Variants in CENPC observed in about 807,000 individuals in gnomAD.
CENPC encodes centromere protein C, also known as CENP-C 1.
Under a neutral mutation model 112.1 loss-of-function variants are expected in CENPC, and 63 were observed. The ratio of observed to expected loss-of-function variants is 0.56; its 90% CI spans 0.46 to 0.69. The LOEUF (loss-of-function observed/expected upper bound fraction) is 0.69, where lower values mean the gene tolerates loss of function less well. CENPC is among the 30% of genes least tolerant of loss of function. CENPC has a pLI of 0.00. For missense variants in CENPC, 1,000 were observed against 1,103.8 expected (o/e 0.91, Z 1.33); for synonymous variants, 333 against 367.6 (o/e 0.91, Z 1.08).
chr4:67,539,971 T>TTAC, intron 3 of CENPC, 37 bp from the exon 4 acceptor site: 1 of 1,095,540 alleles, frequency 9.1e-7, no homozygotes, highest in South Asian at 1.6e-5. Flanking sequence ...AAACAAGATA[T>TTAC]AGTGTAATAT....
chr4:67,484,829 C>T (rs1667112404), intron 17 of CENPC, among the ~76,000 whole-genome samples: 1 of 152,184 alleles, frequency 6.6e-6, no homozygotes. Flanking sequence ...CGCAGTGGCT[C>T]ACGCCTGTAA....
chr4:67,487,460 C>T (rs1725124477), intron 17 of CENPC, among the ~76,000 whole-genome samples: 1 of 151,732 alleles, frequency 6.6e-6, no homozygotes, highest in East Asian at 1.9e-4. Flanking sequence ...GAACCTGAAA[C>T]ATGACCCAAT....
At chr4:67,519,027 C>A (rs1008481329) in intron 6 of CENPC, among the ~76,000 whole-genome samples, 190 bp downstream of exon 6, 1 of 152,188 alleles carries the variant, frequency 6.6e-6, no homozygotes, top group Non-Finnish European at 1.5e-5. Flanking sequence ...CTCTAAACTT[C>A]TCTGAAGTAC....
Position 67,471,433 on chromosome 4 carries a change from G to GA in CENPC, c.*1171dup, listed in dbSNP as rs1212271684. 6.6e-6 allele frequency: 1 copy of GA among 151,390 alleles called. No individual in the cohort carries two copies. The highest frequency in any genetic ancestry group is 1.5e-5 in the Non-Finnish European group (1 of 67,856). 9.4% of individuals were successfully genotyped at this position (151,390 alleles called of 1,614,324 possible). A position where few individuals can be genotyped will look rare whatever the true frequency, so the allele number is the denominator to read the frequency against. ...CATATGAAAGTGAAATATACTAAAGGAAAAAAAGCATTCAGTGAAAACTAA... is the reference window on the plus strand; with the variant it reads ...CATATGAAAGTGAAATATACTAAAGGAAAAAAAAGCATTCAGTGAAAACTAA... On this transcript the variant is annotated 3_prime_UTR_variant, in exon 19 of 19. Coordinates refer to ENST00000273853, the MANE Select transcript of CENPC (RefSeq NM_001812.4).
intron 17 of CENPC, among the ~76,000 whole-genome samples, chr4:67,483,352 A>T (rs1725004025): frequency 1.1e-5 from 1 of 91,862 alleles, no homozygotes; most frequent in Non-Finnish European, 2.3e-5. Context: ...ACTCTATCTC[A>T]ATGAAAGAAA....
At chr4:67,526,348 A>C (rs1051596739) in intron 5 of CENPC, among the ~76,000 whole-genome samples, 3 of 152,088 alleles carry the variant, frequency 2.0e-5, no homozygotes, top group Non-Finnish European at 4.4e-5. Flanking sequence ...ATATTTAAAA[A>C]AACTCAAAAA....
intron 2 of CENPC, among the ~76,000 whole-genome samples, chr4:67,541,516 C>T (rs1726889768): frequency 6.6e-6 from 1 of 152,086 alleles, no homozygotes; most frequent in Non-Finnish European, 1.5e-5. Context: ...TTATATTGAG[C>T]TTGTAGATTC....
At chr4:67,530,479 T>C (rs1036598472) in intron 5 of CENPC, among the ~76,000 whole-genome samples, 2 of 152,104 alleles carry the variant, frequency 1.3e-5, no homozygotes, top group African/African-American at 4.8e-5. Flanking sequence ...ATTTAAAGGC[T>C]ACCTCAGCAG....
Position 67,508,812 on chromosome 4 carries a change from A to C in CENPC, c.1904+2T>G, listed in dbSNP as rs1222379856. On this transcript the variant is annotated splice_donor_variant, in intron 10 of 18. Coordinates refer to ENST00000273853, the MANE Select transcript of CENPC (RefSeq NM_001812.4). LOFTEE classifies it high-confidence loss of function. Reference sequence around the variant, plus strand: ...CTATATTGTACACATAACAGACATTACCTAGAACAATCAAGATTTTTCTTC... The same window carrying C: ...CTATATTGTACACATAACAGACATTCCCTAGAACAATCAAGATTTTTCTTC... 8.7e-6 allele frequency: 14 copies of C among 1,612,466 alleles called. No homozygotes were observed. Among genetic ancestry groups the C allele is most frequent in the African/African-American group, 1.3e-5 (1 of 74,804 alleles).
intron 12 of CENPC, among the ~76,000 whole-genome samples, chr4:67,497,426 G>A (rs1011534548): frequency 2.0e-5 from 3 of 152,072 alleles, no homozygotes; most frequent in African/African-American, 7.2e-5. Context: ...ATACCTCAGA[G>A]ATATTGCCAG....
chr4:67,509,127 TAA>T, intron 9 of CENPC, 22 bp from the exon 10 acceptor site: 1 of 1,568,520 alleles, frequency 6.4e-7, no homozygotes, highest in East Asian at 2.3e-5. Flanking sequence ...AATGATAACC[TAA>T]AGTTAGTAAG....
In CENPC at chr4:67,544,140, G is replaced by A. The variant is rs375144303; in HGVS notation, c.65+9C>T. On this transcript the variant is annotated intron_variant, in intron 2 of 18. Coordinates refer to ENST00000273853, the MANE Select transcript of CENPC (RefSeq NM_001812.4). ...AAAATAATCTTAAAAGCTTAAGTAC[G>A]TAAATCACCTGGAAGGTCGACAAAA... The A allele has an allele frequency of 4.8e-5, 69 of 1,437,028 alleles. No homozygotes were observed. Among genetic ancestry groups the A allele is most frequent in the Non-Finnish European group, 6.8e-5 (69 of 1,021,924 alleles). 89.0% of individuals were successfully genotyped at this position (1,437,028 alleles called of 1,614,324 possible).
chr4:67,541,104 C>G (rs1232824091), intron 2 of CENPC, 54 bp from the exon 3 acceptor site: 2 of 1,137,136 alleles, frequency 1.8e-6, no homozygotes, highest in Non-Finnish European at 2.5e-6. Flanking sequence ...CTTTATATTA[C>G]CATCTCTTTG....
intron 9 of CENPC, chr4:67,510,925 A>G: frequency 2.3e-6 from 1 of 439,930 alleles, no homozygotes; most frequent in South Asian, 1.6e-5. Flanking sequence ...GTTTTTTGAT[A>G]GTTTCAGAGA....
Position 67,519,295 on chromosome 4 carries a change from T to C in CENPC, c.539A>G (p.Lys180Arg), listed in dbSNP as rs1726151499. The C allele has an allele frequency of 1.9e-6, 3 of 1,612,174 alleles. No individual in the cohort carries two copies. The highest frequency in any genetic ancestry group is 2.5e-6 in the Non-Finnish European group (3 of 1,178,916). ...SQNVIPSSAQKRETYTFENSV... is the reference protein window; with the variant it reads ...SQNVIPSSAQRRETYTFENSV... ...ATTTTCAAAAGTGTAAGTCTCTCTC[T>C]TTTGGGCACTAGATGGAATAACATT... The change falls in exon 6 of 19, where the codon AAG becomes AGG. Residue 180 changes from lysine to arginine, a missense_variant. By Grantham distance (26) the Lys-to-Arg change is conservative (BLOSUM62 2). Coordinates refer to ENST00000273853, the MANE Select transcript of CENPC (RefSeq NM_001812.4).
Position 67,472,472 on chromosome 4 carries a change from AAGT to A in CENPC, c.*130_*132del. The stretch of plus-strand genomic sequence containing the variant: ...TGAGTTAGAAATGTTTATCAAATAC[AAGT>A]CTACAGAAAACTGAATAAAATTTTT... On this transcript the variant is annotated 3_prime_UTR_variant, in exon 19 of 19. Transcript: ENST00000273853. 8.8e-7 allele frequency: 1 copy of A among 1,142,210 alleles called. No individual in the cohort carries two copies. Among genetic ancestry groups the A allele is most frequent in the East Asian group, 3.3e-5 (1 of 30,528 alleles). The allele number at this position is 1,142,210 out of a possible 1,614,324, so 70.8% of individuals were successfully genotyped here.
chr4:67,503,914 T>C (rs377293647), intron 12 of CENPC, among the ~76,000 whole-genome samples: 3 of 151,858 alleles, frequency 2.0e-5, no homozygotes, highest in African/African-American at 7.3e-5. Context: ...ACAGCAAAAA[T>C]TGGCTATTTA....
In CENPC at chr4:67,533,736, A is replaced by C. The variant is rs1726627943; in HGVS notation, c.232-2822T>G. 2.6e-5 allele frequency among the ~76,000 whole-genome samples: 4 copies of C among 152,162 alleles called. No individual in the cohort carries two copies. The South Asian group carries it at 8.3e-4, about 32-fold the overall frequency. On this transcript the variant is annotated intron_variant, in intron 4 of 18. Transcript: ENST00000273853. Reference sequence around the variant, plus strand: ...ATAAAGATTAGTAGAATTGCAAGACACCACTAAAAAAAAGGGGCAGGCCAG... The same window carrying C: ...ATAAAGATTAGTAGAATTGCAAGACCCCACTAAAAAAAAGGGGCAGGCCAG...
chr4:67,505,627 T>A (rs1488649853), intron 11 of CENPC, among the ~76,000 whole-genome samples: 1 of 152,198 alleles, frequency 6.6e-6, no homozygotes, highest in South Asian at 2.1e-4. Context: ...ATAGTTGTTA[T>A]ACTGTATTTT....
Sources: gnomAD v4.1 joint callset for allele counts (sites outside exome capture counted in the v4.1 genomes callset) on GRCh38, gnomAD v4.1.1 for gene constraint, MANE v1.5 for transcripts, NCBI Gene and HGNC (gene_info 2026-07-23, HGNC 2026-07-21) for gene names.